Variants in LAMA3 observed in about 807,000 individuals in gnomAD.
LAMA3 encodes laminin subunit alpha-3.
Under a neutral mutation model 402.0 loss-of-function variants are expected in LAMA3, and 281 were observed. The ratio of observed to expected loss-of-function variants is 0.70; its 90% CI spans 0.63 to 0.77. LAMA3 has a LOEUF of 0.77. Among genes scored for constraint, LAMA3 ranks in the 30% least tolerant of loss-of-function variants. The probability of loss-of-function intolerance (pLI) is 0.00; values close to 1 mark genes in which losing one functional copy is unlikely to be tolerated. For missense variants in LAMA3, 3,840 were observed against 4,215.5 expected, an observed-to-expected ratio of 0.91 and a Z score of 2.47; for synonymous variants, 1,431 against 1,558.4, an observed-to-expected ratio of 0.92 and a Z score of 1.93.
chr18:23,901,886 G>A (rs1241497406), intron 48 of LAMA3, among the ~76,000 whole-genome samples: 1 of 152,186 alleles, frequency 6.6e-6, no homozygotes, highest in Non-Finnish European at 1.5e-5. Flanking sequence ...TAGAGACGGG[G>A]TTTCACCATG....
chr18:23,793,842 A>C (rs1461407992), intron 12 of LAMA3, among the ~76,000 whole-genome samples: 1 of 152,150 alleles, frequency 6.6e-6, no homozygotes, highest in South Asian at 2.1e-4. Flanking sequence ...TCCTTCCCTC[A>C]CCATCAGTTG....
At chr18:23,758,665 G>A (rs1173866210) in intron 7 of LAMA3, among the ~76,000 whole-genome samples, 154 bp downstream of exon 7, 5 of 152,188 alleles carry the variant, frequency 3.3e-5, no homozygotes, top group Non-Finnish European at 7.3e-5. Context: ...CAGACTGCAG[G>A]GAAAAGTGCC....
chr18:23,709,806 C>A, intron 1 of LAMA3: 1 of 642,160 alleles, frequency 1.6e-6, no homozygotes, highest in African/African-American at 1.8e-5. Context: ...GTGAATTAGC[C>A]AGCCAGACTC....
rs148827031 is a variant in LAMA3 at position 23,731,633 on chromosome 18, C to T, written c.448-16310C>T. Among the ~76,000 whole-genome samples the T allele has an allele frequency of 8.5e-3, 1,300 of 152,294 alleles. 14 individuals are homozygous for T. The highest frequency in any genetic ancestry group is 0.065 in the South Asian group (315 of 4,818). On this transcript the variant is annotated intron_variant, in intron 2 of 74. Coordinates refer to ENST00000313654, the MANE Select transcript of LAMA3 (RefSeq NM_198129.4). ...CCAGCTTTCCAGGGAGATGGTCTGG[C>T]AGCTGTTGGCATGGTGTAATTTCAG...
intron 1 of LAMA3, among the ~76,000 whole-genome samples, chr18:23,692,607 C>T (rs1711452): frequency 0.58 from 88,286 of 152,002 alleles, 26,280 homozygotes; most frequent in Middle Eastern, 0.66. Context: ...TCAAGACTCA[C>T]TGCAAATCTT....
intron 7 of LAMA3, among the ~76,000 whole-genome samples, chr18:23,762,822 A>G (rs887611142): frequency 4.1e-5 from 6 of 144,942 alleles, no homozygotes; most frequent in African/African-American, 1.5e-4. Context: ...GGTTCCAAGG[A>G]TTCTCCTGCC....
chr18:23,779,311 G>T (rs767962663), intron 11 of LAMA3, among the ~76,000 whole-genome samples: 3 of 152,098 alleles, frequency 2.0e-5, no homozygotes, highest in Non-Finnish European at 4.4e-5. Context: ...AAGCAAGGGG[G>T]CCTGATGGGA....
chr18:23,867,535 T>G, intron 36 of LAMA3, among the ~76,000 whole-genome samples: 2 of 124,082 alleles, frequency 1.6e-5, no homozygotes, highest in African/African-American at 3.2e-5. Context: ...GGCAAGAGAG[T>G]GAGATTCCAT....
intron 2 of LAMA3, 49 bp from the exon 3 acceptor site, chr18:23,747,894 G>A (rs746020148): frequency 1.9e-6 from 2 of 1,054,860 alleles, no homozygotes; most frequent in Non-Finnish European, 3.0e-6. Flanking sequence ...GGTAGAAGCT[G>A]TGAATCGATG....
intron 18 of LAMA3, among the ~76,000 whole-genome samples, chr18:23,816,943 G>C (rs1385508852): frequency 2.0e-5 from 3 of 151,994 alleles, no homozygotes. Flanking sequence ...CAGGTGCTTG[G>C]GTCAATAAGA....
intron 7 of LAMA3, among the ~76,000 whole-genome samples, chr18:23,759,603 C>T (rs1187241568): frequency 1.3e-5 from 2 of 152,180 alleles, no homozygotes; most frequent in Non-Finnish European, 1.5e-5. Context: ...GATGGGGTTT[C>T]GCCATGTTGG....
At chr18:23,823,067 G>C (rs73969534) in intron 20 of LAMA3, among the ~76,000 whole-genome samples, 4 of 152,136 alleles carry the variant, frequency 2.6e-5, no homozygotes, top group Non-Finnish European at 5.9e-5. Flanking sequence ...CAAAATGTAC[G>C]CCATCTTTGT....
intron 34 of LAMA3, among the ~76,000 whole-genome samples, chr18:23,860,604 C>A (rs2064194931): frequency 6.6e-6 from 1 of 151,330 alleles, no homozygotes; most frequent in Admixed American, 6.6e-5. Context: ...TAAAACTTTT[C>A]TTGTTTTCAT....
At chr18:23,841,917 G>A (rs968075366) in intron 27 of LAMA3, among the ~76,000 whole-genome samples, 50 of 151,512 alleles carry the variant, frequency 3.3e-4, no homozygotes, top group African/African-American at 1.1e-3. Flanking sequence ...GTGAGACCTC[G>A]TCCCTTAAAA....
chr18:23,726,696 C>A (rs2061306286), intron 2 of LAMA3, among the ~76,000 whole-genome samples: 1 of 152,182 alleles, frequency 6.6e-6, no homozygotes, highest in Admixed American at 6.5e-5. Context: ...CGGCTCACTA[C>A]AACCTCTGCC....
At chr18:23,885,075 C>T (rs986290846) in intron 41 of LAMA3, among the ~76,000 whole-genome samples, 4 of 152,042 alleles carry the variant, frequency 2.6e-5, no homozygotes, top group Non-Finnish European at 4.4e-5. Flanking sequence ...TGAGGCACAA[C>T]GCATACACTC....
At chr18:23,706,665 G>A (rs765076488) in intron 1 of LAMA3, among the ~76,000 whole-genome samples, 1 of 152,122 alleles carries the variant, frequency 6.6e-6, no homozygotes, top group African/African-American at 2.4e-5. Flanking sequence ...TTATTGATTT[G>A]TAGGATTGTT....
At chr18:23,830,385 A>G (rs1259917099) in intron 23 of LAMA3, among the ~76,000 whole-genome samples, 4 of 151,612 alleles carry the variant, frequency 2.6e-5, no homozygotes, top group Non-Finnish European at 4.4e-5. Flanking sequence ...TATTGTCTAC[A>G]CTCTGTGTTT....
chr18:23,770,456 A>G (rs1175347558), intron 8 of LAMA3, among the ~76,000 whole-genome samples: 1 of 152,104 alleles, frequency 6.6e-6, no homozygotes. Flanking sequence ...ATGGCCAATA[A>G]ATGTACATCA....
Sources: gnomAD v4.1 joint callset for allele counts (sites outside exome capture counted in the v4.1 genomes callset) on GRCh38, gnomAD v4.1.1 for gene constraint, MANE v1.5 for transcripts, NCBI Gene and HGNC (gene_info 2026-07-23, HGNC 2026-07-21) for gene names.